The following RBFOX1 variants were observed in gnomAD, a reference collection of about 807,000 sequenced individuals.
RBFOX1 encodes the protein RNA binding protein fox-1 homolog 1.
RBFOX1 carries 8 observed loss-of-function variants against 57.7 expected under a neutral mutation model. The ratio of observed to expected loss-of-function variants is 0.14; its 90% CI spans 0.08 to 0.25. RBFOX1 has a LOEUF of 0.25. Ranked by LOEUF, RBFOX1 falls within the 10% of genes least tolerant of loss-of-function variation. RBFOX1 has a pLI of 1.00. For missense variants in RBFOX1, 611 were observed against 548.5 expected, an observed-to-expected ratio of 1.11 and a Z score of -1.14; for synonymous variants, 326 against 222.4, an observed-to-expected ratio of 1.47 and a Z score of -4.15.
At chr16:6,898,333 A>AG (rs1240590030) in intron 3 of RBFOX1, among the ~76,000 whole-genome samples, 1 of 151,922 alleles carries the variant, frequency 6.6e-6, no homozygotes, top group Non-Finnish European at 1.5e-5. Flanking sequence ...CCTTGGATGG[A>AG]GGGGGGTGAG....
intron 2 of RBFOX1, among the ~76,000 whole-genome samples, chr16:6,556,469 G>A (rs574987490): frequency 1.8e-4 from 27 of 152,272 alleles, no homozygotes; most frequent in Non-Finnish European, 1.6e-4. Flanking sequence ...ATGAAAACAT[G>A]TCGCCTCTGA....
chr16:5,349,582 A>T (rs1383820855), intron 1 of RBFOX1, among the ~76,000 whole-genome samples: 1 of 144,604 alleles, frequency 6.9e-6, no homozygotes, highest in Admixed American at 7.1e-5. Flanking sequence ...CGGAGGCAGG[A>T]GAATCGCTTG....
chr16:6,360,678 A>C (rs1444873681), intron 2 of RBFOX1, among the ~76,000 whole-genome samples: 1 of 152,194 alleles, frequency 6.6e-6, no homozygotes, highest in Non-Finnish European at 1.5e-5. Flanking sequence ...AATTATCTGA[A>C]ATAATCATCA....
chr16:6,460,445 A>C (rs926502803), intron 2 of RBFOX1, among the ~76,000 whole-genome samples: 1 of 149,202 alleles, frequency 6.7e-6, no homozygotes, highest in Non-Finnish European at 1.5e-5. Flanking sequence ...AAGGCTATGA[A>C]CAGACACTTC....
intron 4 of RBFOX1, among the ~76,000 whole-genome samples, chr16:7,502,364 A>G (rs2071223016): frequency 1.3e-5 from 2 of 152,234 alleles, no homozygotes; most frequent in African/African-American, 4.8e-5. Context: ...GGTTTCATGT[A>G]AGAAAATCGA....
At chr16:6,235,070 T>G (rs995860330) in intron 1 of RBFOX1, among the ~76,000 whole-genome samples, 1 of 152,146 alleles carries the variant, frequency 6.6e-6, no homozygotes, top group African/African-American at 2.4e-5. Context: ...AAATTCAGTT[T>G]GCAGGATATG....
chr16:6,169,349 G>A (rs1269340353), intron 1 of RBFOX1, among the ~76,000 whole-genome samples: 2 of 151,990 alleles, frequency 1.3e-5, no homozygotes, highest in Non-Finnish European at 2.9e-5. Flanking sequence ...GGAGTGGAGA[G>A]AAAAGAAAAT....
At chr16:7,448,993 G>C (rs982575158) in intron 4 of RBFOX1, among the ~76,000 whole-genome samples, 6 of 138,978 alleles carry the variant, frequency 4.3e-5, no homozygotes, top group East Asian at 2.2e-4. Context: ...GCAATGGCGC[G>C]ATATCGGCTC....
At chr16:6,864,446 C>T (rs1603633947) in intron 3 of RBFOX1, among the ~76,000 whole-genome samples, 1 of 152,014 alleles carries the variant, frequency 6.6e-6, no homozygotes, top group South Asian at 2.1e-4. Flanking sequence ...AAAGAAATGA[C>T]ATCATCATGC....
At chr16:6,759,682 T>C (rs933717668) in intron 3 of RBFOX1, among the ~76,000 whole-genome samples, 1 of 152,164 alleles carries the variant, frequency 6.6e-6, no homozygotes, top group African/African-American at 2.4e-5. Context: ...TTTTCTTAAA[T>C]TTCAACTTTA....
chr16:7,513,401 C>T (rs183726544), intron 4 of RBFOX1, among the ~76,000 whole-genome samples: 34 of 152,260 alleles, frequency 2.2e-4, no homozygotes, highest in Admixed American at 5.2e-4. Flanking sequence ...ACTGTGGCCT[C>T]GAATAATTAT....
intron 2 of RBFOX1, among the ~76,000 whole-genome samples, chr16:6,442,371 C>T (rs1468824617): frequency 1.3e-5 from 2 of 152,124 alleles, no homozygotes; most frequent in Non-Finnish European, 2.9e-5. Flanking sequence ...TCCAGACCAA[C>T]ATGGTGAAAA....
chr16:6,814,471 C>T (rs1266078684), intron 3 of RBFOX1, among the ~76,000 whole-genome samples: 1 of 152,164 alleles, frequency 6.6e-6, no homozygotes, highest in African/African-American at 2.4e-5. Context: ...GATGTGGCTT[C>T]TAGCTTCATG....
chr16:6,993,492 A>G (rs1003956833), intron 3 of RBFOX1, among the ~76,000 whole-genome samples: 8 of 152,172 alleles, frequency 5.3e-5, no homozygotes, highest in African/African-American at 1.7e-4. Flanking sequence ...ATCCTGTTGC[A>G]TTGAAGAAAC....
chr16:7,163,833 T>G (rs909263023), intron 4 of RBFOX1, among the ~76,000 whole-genome samples: 2 of 152,078 alleles, frequency 1.3e-5, no homozygotes, highest in Non-Finnish European at 2.9e-5. Context: ...ATTTTTGTAT[T>G]GTTTTTGGTA....
chr16:5,626,989 A>G (rs912106233), intron 3 of RBFOX1, among the ~76,000 whole-genome samples: 1 of 152,170 alleles, frequency 6.6e-6, no homozygotes, highest in Non-Finnish European at 1.5e-5. Flanking sequence ...TTAAATTATG[A>G]TCTTGGAGGA....
chr16:6,038,559 ATATATAT>A (rs2095398911), intron 1 of RBFOX1: 1 of 146,424 alleles, frequency 6.8e-6, no homozygotes, highest in African/African-American at 2.5e-5. Flanking sequence ...TATCATCCAT[ATATATAT>A]ATCATCCATA....
rs148923195 is a variant in RBFOX1 at position 6,328,729 on chromosome 16, A to G, written c.-64+11672A>G. ...ACCATAGGTCTCTTGTGAAGATTAAATAAAAATTCCTTTTTGGGAGGAGGG... is the reference window on the plus strand; with the variant it reads ...ACCATAGGTCTCTTGTGAAGATTAAGTAAAAATTCCTTTTTGGGAGGAGGG... On this transcript the variant is annotated intron_variant, in intron 2 of 15. Transcript: ENST00000550418. Among the ~76,000 whole-genome samples the G allele has an allele frequency of 7.9e-3, 1,168 of 147,514 alleles. 11 individuals are homozygous for G. The highest frequency in any genetic ancestry group is 0.02 in the South Asian group (89 of 4,390).
At chr16:6,175,213 GA>G (rs1330152892) in intron 1 of RBFOX1, among the ~76,000 whole-genome samples, 1 of 152,114 alleles carries the variant, frequency 6.6e-6, no homozygotes. Flanking sequence ...ACCTGACTAT[GA>G]AAAAAGGTAG....
Sources: gnomAD v4.1 joint callset for allele counts (sites outside exome capture counted in the v4.1 genomes callset) on GRCh38, gnomAD v4.1.1 for gene constraint, MANE v1.5 for transcripts, NCBI Gene and HGNC (gene_info 2026-07-23, HGNC 2026-07-21) for gene names.